The following ABCB4 variants were observed in gnomAD, a reference collection of about 807,000 sequenced individuals.
ABCB4 encodes phosphatidylcholine translocator ABCB4.
Under a neutral mutation model 145.7 loss-of-function variants are expected in ABCB4, and 76 were observed. The ratio of observed to expected loss-of-function variants is 0.52; its 90% CI spans 0.43 to 0.63. ABCB4 has a LOEUF of 0.63. ABCB4 is among the 30% of genes least tolerant of loss of function. The pLI, the probability that ABCB4 is intolerant of heterozygous loss-of-function variation, is 0.00. For missense variants in ABCB4, 1,234 were observed against 1,553.1 expected (o/e 0.79, Z 3.45); for synonymous variants, 517 against 566.8 (o/e 0.91, Z 1.25).
At chr7:87,466,842 C>A (rs185752672) in intron 3 of ABCB4, among the ~76,000 whole-genome samples, 4,483 of 151,382 alleles carry the variant, frequency 0.03, 228 homozygotes, top group African/African-American at 0.1. Flanking sequence ...TACAGACAAG[C>A]AAATGCTGAG....
downstream of ABCB4, chr7:87,401,660 C>A: frequency 4.3e-6 from 1 of 233,948 alleles, no homozygotes; most frequent in Non-Finnish European, 8.6e-6. Context: ...AACTTTGATT[C>A]CACAATAGAA....
chr7:87,439,898 C>G (rs1810856700), intron 13 of ABCB4, 61 bp from the exon 14 acceptor site: 1 of 1,599,480 alleles, frequency 6.3e-7, no homozygotes, highest in African/African-American at 1.3e-5. Context: ...GCTAGGAATT[C>G]TATAGAACTA....
intron 3 of ABCB4, among the ~76,000 whole-genome samples, chr7:87,463,930 C>T (rs1038701393): frequency 6.6e-6 from 1 of 152,196 alleles, no homozygotes; most frequent in African/African-American, 2.4e-5. Context: ...ATTTATGGCT[C>T]TCTTTCTCTT....
downstream of ABCB4, chr7:87,398,975 G>GTACT: frequency 1.3e-5 from 3 of 238,964 alleles, no homozygotes; most frequent in South Asian, 1.9e-4. Context: ...ATTTTTGTTG[G>GTACT]TACTTACATG....
At chr7:87,473,309 C>T (rs982211347) in intron 2 of ABCB4, among the ~76,000 whole-genome samples, 3 of 152,188 alleles carry the variant, frequency 2.0e-5, no homozygotes, top group African/African-American at 4.8e-5. Context: ...AGGTCCTACA[C>T]GATCTGTTTG....
Position 87,475,626 on chromosome 7 carries a change from T to C in ABCB4, c.-7+8A>G. The C allele has an allele frequency of 1.4e-6, 1 of 714,308 alleles. No homozygotes were observed. 44.2% of individuals were successfully genotyped at this position (714,308 alleles called of 1,614,324 possible). On this transcript the variant is annotated splice_region_variant and intron_variant, in intron 1 of 27. Coordinates refer to ENST00000649586, the MANE Select transcript of ABCB4 (RefSeq NM_000443.4). The stretch of plus-strand genomic sequence containing the variant: ...CTTCGAGGCCAGACGCGCCCGGACC[T>C]CTCTCACCTCGAACCTCGCGCGTGT...
At chr7:87,431,037 T>C (rs914519666) in intron 15 of ABCB4, among the ~76,000 whole-genome samples, 1 of 152,142 alleles carries the variant, frequency 6.6e-6, no homozygotes, top group African/African-American at 2.4e-5. Flanking sequence ...TCTGGTAAAG[T>C]CTCTGGCATT....
chr7:87,451,557 T>A, intron 7 of ABCB4, 66 bp downstream of exon 7: 1 of 1,577,944 alleles, frequency 6.3e-7, no homozygotes, highest in Non-Finnish European at 8.7e-7. Context: ...AGTACGAGAC[T>A]TCTGCATATT....
intron 27 of ABCB4, 22 bp from the exon 28 acceptor site, chr7:87,402,324 A>G: frequency 2.5e-6 from 4 of 1,613,642 alleles, no homozygotes; most frequent in East Asian, 2.2e-5. Context: ...TCAGACAGAC[A>G]CCTTATCCCA....
the ABCB4 span, chr7:87,377,484 C>A: frequency 1.6e-6 from 2 of 1,223,232 alleles, no homozygotes; most frequent in Non-Finnish European, 2.4e-6. Context: ...CTCTTTTGAT[C>A]TTTTAGGTTA....
At chr7:87,450,224 C>T in intron 7 of ABCB4, 132 bp from the exon 8 acceptor site, 2 of 1,285,030 alleles carry the variant, frequency 1.6e-6, no homozygotes, top group Non-Finnish European at 2.2e-6. Context: ...GTAGCAAATG[C>T]CAGTGTTCTG....
At chr7:87,433,845 C>G (rs138976080) in intron 14 of ABCB4, among the ~76,000 whole-genome samples, 17 of 152,052 alleles carry the variant, frequency 1.1e-4, no homozygotes, top group African/African-American at 3.6e-4. Context: ...GACTAATCTA[C>G]TAGCCTTTCT....
chr7:87,453,017 G>GA lies in ABCB4; in HGVS notation c.462dup (p.His155SerfsTer12). On this transcript the variant is annotated frameshift_variant, in exon 6 of 28. Transcript: ENST00000649586. LOFTEE classifies it high-confidence loss of function. ...CCTATTTCCTGTCGTAGAATAGCAT[G>GA]AAAAAACTTCTGCCTAATTTTCCTG... 6.2e-7 allele frequency: 1 copy of GA among 1,614,014 alleles called. No individual in the cohort carries two copies. The highest frequency in any genetic ancestry group is 1.3e-5 in the African/African-American group (1 of 74,980).
At chr7:87,453,769 T>C (rs934254000) in intron 5 of ABCB4, among the ~76,000 whole-genome samples, 57 of 152,184 alleles carry the variant, frequency 3.7e-4, no homozygotes, top group Admixed American at 3.1e-3. Flanking sequence ...TTAATAATTA[T>C]ATTCTAGACT....
At chr7:87,469,878 A>T (rs904800707) in intron 3 of ABCB4, among the ~76,000 whole-genome samples, 1 of 152,180 alleles carries the variant, frequency 6.6e-6, no homozygotes. Flanking sequence ...CTTTAAAGTT[A>T]ATATGGAACC....
At chr7:87,452,586 T>C (rs1173010250) in intron 6 of ABCB4, 4 of 322,206 alleles carry the variant, frequency 1.2e-5, no homozygotes, top group Admixed American at 9.3e-5. Context: ...AAGTGAAGAG[T>C]TGACAATTAC....
the ABCB4 span, among the ~76,000 whole-genome samples, chr7:87,374,401 G>C: frequency 6.6e-6 from 1 of 151,992 alleles, no homozygotes. Context: ...ATCATTTCAG[G>C]GAGGAAGTAA....
intron 16 of ABCB4, among the ~76,000 whole-genome samples, chr7:87,425,217 C>T (rs1446331111): frequency 1.3e-5 from 2 of 152,140 alleles, no homozygotes; most frequent in Non-Finnish European, 2.9e-5. Context: ...TTGGGACAAT[C>T]TTGTTGATTG....
At chr7:87,398,704 A>G, downstream of ABCB4, 1 of 1,522,264 alleles carries the variant, frequency 6.6e-7, no homozygotes. Context: ...GCTGGGAGTG[A>G]GTTGGTAATA....
Sources: gnomAD v4.1 joint callset for allele counts (sites outside exome capture counted in the v4.1 genomes callset) on GRCh38, gnomAD v4.1.1 for gene constraint, MANE v1.5 for transcripts, NCBI Gene and HGNC (gene_info 2026-07-23, HGNC 2026-07-21) for gene names.